Variants in CACNA1C observed in about 807,000 individuals in gnomAD.
CACNA1C encodes voltage-dependent L-type calcium channel subunit alpha-1C.
In CACNA1C, 30 loss-of-function variants were observed where a neutral mutation model predicts 229.0. The ratio of observed to expected loss-of-function variants is 0.13; its 90% CI spans 0.10 to 0.18. CACNA1C has a LOEUF of 0.18. CACNA1C is among the 10% of genes least tolerant of loss of function. The pLI is 1.00. For synonymous variants in CACNA1C, 1,114 were observed against 1,132.5 expected (o/e 0.98, Z 0.33); for missense variants, 1,658 against 2,845.0 (o/e 0.58, Z 9.49).
rs373477644 is a variant in CACNA1C, at chr12:2,583,162, G to A, written c.2224+220G>A. 1.6e-4 allele frequency among the ~76,000 whole-genome samples: 24 copies of A among 152,330 alleles called. No homozygotes were observed. In the East Asian group the frequency reaches 4.1e-3, roughly 26 times the overall value. The stretch of plus-strand genomic sequence containing the variant: ...CCCTCCGGGCCCGCAGCGGCGCCGC[G>A]CTCCGGGCGGGCTGTCGCCGTAATC... On this transcript the variant is annotated intron_variant, in intron 15 of 46. Transcript: ENST00000399655.
At chr12:2,079,038 C>T (rs1404603461) in intron 1 of CACNA1C, among the ~76,000 whole-genome samples, 1 of 148,674 alleles carries the variant, frequency 6.7e-6, no homozygotes, top group Non-Finnish European at 1.5e-5. Flanking sequence ...GACAAAAAAC[C>T]AAACGCCACA....
intron 3 of CACNA1C, among the ~76,000 whole-genome samples, chr12:2,166,781 C>T (rs185065061): frequency 7.2e-5 from 11 of 152,212 alleles, no homozygotes; most frequent in East Asian, 1.9e-4. Flanking sequence ...TTAGTAGGCA[C>T]GTTGGAACTG....
intron 38 of CACNA1C, among the ~76,000 whole-genome samples, chr12:2,671,608 G>A (rs925596734): frequency 2.6e-5 from 4 of 152,192 alleles, no homozygotes; most frequent in Non-Finnish European, 5.9e-5. Flanking sequence ...AGGCAGGGAG[G>A]TATGGAAGCA....
intron 29 of CACNA1C, among the ~76,000 whole-genome samples, chr12:2,620,260 T>TGC (rs2082587052): frequency 6.6e-6 from 1 of 151,878 alleles, no homozygotes; most frequent in Admixed American, 6.6e-5. Flanking sequence ...TGCACCCTAA[T>TGC]ACTGCTCTAA....
intron 3 of CACNA1C, among the ~76,000 whole-genome samples, chr12:2,273,089 G>C (rs1166561210): frequency 6.6e-6 from 1 of 152,260 alleles, no homozygotes; most frequent in Non-Finnish European, 1.5e-5. Context: ...ATCCACAGGT[G>C]ATTGGTTCCA....
intron 3 of CACNA1C, among the ~76,000 whole-genome samples, chr12:2,151,428 G>T (rs1309625642): frequency 2.0e-5 from 3 of 151,854 alleles, no homozygotes; most frequent in Non-Finnish European, 4.4e-5. Context: ...ATTTTTATAG[G>T]TTTTTATAGA....
At chr12:2,673,357 T>C (rs995058793) in intron 38 of CACNA1C, among the ~76,000 whole-genome samples, 1 of 151,726 alleles carries the variant, frequency 6.6e-6, no homozygotes, top group South Asian at 2.1e-4. Context: ...TCCCAGCTAC[T>C]TGGGAGGCTG....
At chr12:2,491,962 T>TTCTCTCTCTC (rs57394200) in intron 6 of CACNA1C, among the ~76,000 whole-genome samples, 17 of 147,248 alleles carry the variant, frequency 1.2e-4, no homozygotes, top group Non-Finnish European at 2.1e-4. Context: ...TATAAGCAAA[T>TTCTCTCTCTC]TCTCTCTCTC....
chr12:2,167,765 A>G (rs1198922631), intron 3 of CACNA1C, among the ~76,000 whole-genome samples: 1 of 152,032 alleles, frequency 6.6e-6, no homozygotes, highest in Admixed American at 6.6e-5. Context: ...TCCATTTTCC[A>G]GCTGCCCTTC....
intron 3 of CACNA1C, among the ~76,000 whole-genome samples, chr12:2,334,532 C>T (rs965140843): frequency 2.6e-5 from 4 of 152,130 alleles, no homozygotes; most frequent in African/African-American, 4.8e-5. Flanking sequence ...CAGCCAGGCA[C>T]GGTGGTTCAC....
intron 3 of CACNA1C, among the ~76,000 whole-genome samples, chr12:2,435,954 C>G (rs116446248): frequency 6.6e-6 from 1 of 152,128 alleles, no homozygotes. Flanking sequence ...AAAAGGAGAC[C>G]GAGAGGCTGG....
At chr12:2,612,953 C>CAGT (rs2078564647) in intron 29 of CACNA1C, 1 of 152,238 alleles carries the variant, frequency 6.6e-6, no homozygotes, top group South Asian at 2.1e-4. Flanking sequence ...AGACTTGAGA[C>CAGT]AATCTCTCCA....
rs151211423 is a variant in CACNA1C at position 2,605,717 on chromosome 12, C to A, written c.3087C>A (p.Ile1029=). The change falls in exon 24 of 47, where the codon ATC becomes ATA. Residue 1029 remains isoleucine (I), a synonymous_variant. Coordinates refer to ENST00000399655, the MANE Select transcript of CACNA1C (RefSeq NM_000719.7). The surrounding 1 kb of genome is among the most constrained non-coding windows in gnomAD (Gnocchi z 6.2). ...GTGTGTTTGTCGCCATCCGGACCAT[C>A]GGGAACATCGTGATTGTCACCACCC... is the stretch of plus-strand genomic sequence containing the variant. The part of the protein sequence containing the change: ...VQCVFVAIRT[I]GNIVIVTTLL... 1.2e-6 allele frequency: 2 copies of A among 1,613,966 alleles called. No individual in the cohort carries two copies. The highest frequency in any genetic ancestry group is 1.7e-6 in the Non-Finnish European group (2 of 1,179,864).
At chr12:2,471,682 G>T (rs1046687583) in intron 5 of CACNA1C, among the ~76,000 whole-genome samples, 5 of 150,312 alleles carry the variant, frequency 3.3e-5, no homozygotes, top group African/African-American at 1.2e-4. Context: ...AGAAGTCATT[G>T]ATTTTTTTTT....
At chr12:2,239,537 G>A (rs550954840) in intron 3 of CACNA1C, among the ~76,000 whole-genome samples, 1 of 152,170 alleles carries the variant, frequency 6.6e-6, no homozygotes, top group Admixed American at 6.5e-5. Context: ...TCTTTTCCTG[G>A]GAAGCCCGGC....
intron 3 of CACNA1C, among the ~76,000 whole-genome samples, chr12:2,203,568 G>A (rs998098626): frequency 2.0e-5 from 3 of 152,204 alleles, no homozygotes; most frequent in Admixed American, 2.0e-4. Flanking sequence ...GGATTCTGGA[G>A]GTGGCTGCAG....
Position 2,277,440 on chromosome 12 carries a change from A to G in CACNA1C, c.477+157010A>G, listed in dbSNP as rs144306906. On this transcript the variant is annotated intron_variant, in intron 3 of 46. Transcript: ENST00000399655. Reference sequence around the variant, plus strand: ...ACACACACACACACTGAGGGCTGATAGGGAAGAGGACTTCTCTTCTTGATT... The same window carrying G: ...ACACACACACACACTGAGGGCTGATGGGGAAGAGGACTTCTCTTCTTGATT... Among the ~76,000 whole-genome samples the G allele has an allele frequency of 8.7e-3, 1,284 of 148,294 alleles. 21 individuals carry two copies. The highest frequency in any genetic ancestry group is 0.031 in the African/African-American group (1,223 of 39,818).
rs1344698969 is a variant in CACNA1C, at chr12:2,632,852, C to A, written c.3829-1445C>A. On this transcript the variant is annotated intron_variant, in intron 29 of 46. Transcript: ENST00000399655. The surrounding 1 kb of genome is among the most constrained non-coding windows in gnomAD (Gnocchi z 4.1). ...CTTAGAAAGCCTCAGAAAGCCCTGT[C>A]AAGAGCCACATAACACACTCCCGGA... Among the ~76,000 whole-genome samples, 1 of 152,164 alleles carries A rather than the reference C, an allele frequency of 6.6e-6. No individual in the cohort carries two copies. Among genetic ancestry groups the A allele is most frequent in the East Asian group, 1.9e-4 (1 of 5,174 alleles).
intron 6 of CACNA1C, among the ~76,000 whole-genome samples, chr12:2,491,275 G>A (rs1041363351): frequency 6.6e-6 from 1 of 152,156 alleles, no homozygotes; most frequent in Non-Finnish European, 1.5e-5. Context: ...GGGAGTGATG[G>A]CCGTGCTTTA....
Sources: allele counts gnomAD v4.1 joint callset (sites outside exome capture counted in the v4.1 genomes callset), GRCh38; gene constraint gnomAD v4.1.1; non-coding constraint Gnocchi (gnomAD v3.1); transcripts MANE v1.5; gene names NCBI Gene and HGNC (gene_info 2026-07-23, HGNC 2026-07-21).